CTNNA3: variants seen among roughly 807,000 people sequenced by gnomAD.
CTNNA3 encodes catenin alpha 3.
A neutral mutation model predicts 95.7 loss-of-function variants in CTNNA3; 76 were observed. The ratio of observed to expected loss-of-function variants is 0.79; its 90% CI spans 0.66 to 0.96. The LOEUF is 0.96. CTNNA3 is among the 40% of genes least tolerant of loss of function. The pLI is 0.00. For synonymous variants in CTNNA3, 431 were observed against 374.4 expected (o/e 1.15, Z -1.74); for missense variants, 1,191 against 1,089.8 (o/e 1.09, Z -1.31).
chr10:67,619,032 T>G (rs1843745414), intron 2 of CTNNA3, among the ~76,000 whole-genome samples: 1 of 152,168 alleles, frequency 6.6e-6, no homozygotes, highest in Admixed American at 6.5e-5. Context: ...AATATGGATA[T>G]TTTGTCAATA....
chr10:67,480,296 A>G (rs1848169681), intron 5 of CTNNA3, among the ~76,000 whole-genome samples: 1 of 152,218 alleles, frequency 6.6e-6, no homozygotes, highest in African/African-American at 2.4e-5. Flanking sequence ...AAAAGATAAG[A>G]AAACTACAGG....
intron 10 of CTNNA3, among the ~76,000 whole-genome samples, chr10:66,606,991 G>C (rs2132273569): frequency 6.6e-6 from 1 of 152,142 alleles, no homozygotes; most frequent in Non-Finnish European, 1.5e-5. Context: ...GAATCCAGGA[G>C]TTGGTTTTTT....
At chr10:67,639,974 C>G (rs570859239) in intron 2 of CTNNA3, among the ~76,000 whole-genome samples, 58 of 152,260 alleles carry the variant, frequency 3.8e-4, no homozygotes, top group Admixed American at 1.1e-3. Context: ...TCTCACCACT[C>G]CTATTCAACA....
At chr10:67,562,894 T>A (rs1314779379) in intron 3 of CTNNA3, among the ~76,000 whole-genome samples, 1 of 152,056 alleles carries the variant, frequency 6.6e-6, no homozygotes, top group Admixed American at 6.6e-5. Flanking sequence ...TCACAACTGC[T>A]TCAAAGAGAA....
At chr10:66,909,834 C>T (rs192141183) in intron 7 of CTNNA3, among the ~76,000 whole-genome samples, 15 of 152,124 alleles carry the variant, frequency 9.9e-5, no homozygotes, top group Non-Finnish European at 1.3e-4. Context: ...AATGATATAG[C>T]CATTAGGAGT....
At chr10:66,312,909 G>A (rs1564858568) in intron 12 of CTNNA3, among the ~76,000 whole-genome samples, 1 of 152,128 alleles carries the variant, frequency 6.6e-6, no homozygotes, top group Non-Finnish European at 1.5e-5. Context: ...AAGAACTAAT[G>A]TTACAGGTGG....
At chr10:66,702,127 C>T (rs972536050) in intron 9 of CTNNA3, among the ~76,000 whole-genome samples, 2 of 151,676 alleles carry the variant, frequency 1.3e-5, no homozygotes, top group Non-Finnish European at 2.9e-5. Flanking sequence ...TATGGCATGC[C>T]ATTTACACAG....
intron 12 of CTNNA3, among the ~76,000 whole-genome samples, chr10:66,299,961 C>T (rs1276748707): frequency 6.6e-6 from 1 of 152,044 alleles, no homozygotes; most frequent in African/African-American, 2.4e-5. Flanking sequence ...GGCATGATCT[C>T]GGTTCACTGC....
chr10:66,650,853 C>T (rs570343001), intron 9 of CTNNA3, among the ~76,000 whole-genome samples: 8 of 152,222 alleles, frequency 5.3e-5, no homozygotes, highest in East Asian at 1.9e-4. Context: ...CTCATAAAGG[C>T]GGTGCAGACC....
chr10:66,547,500 G>A (rs542246631), intron 10 of CTNNA3, among the ~76,000 whole-genome samples: 1 of 150,868 alleles, frequency 6.6e-6, no homozygotes, highest in Non-Finnish European at 1.5e-5. Context: ...CCGCCACCAC[G>A]CCCAGTTAAT....
At chr10:66,741,714 A>C (rs533209733) in intron 9 of CTNNA3, among the ~76,000 whole-genome samples, 92 of 152,332 alleles carry the variant, frequency 6.0e-4, no homozygotes, top group Non-Finnish European at 1.1e-3. Flanking sequence ...TAAATTGTGA[A>C]GATTTCATGG....
intron 12 of CTNNA3, among the ~76,000 whole-genome samples, chr10:66,281,015 G>C (rs1472522976): frequency 6.6e-6 from 1 of 151,744 alleles, no homozygotes; most frequent in Admixed American, 6.6e-5. Flanking sequence ...AAAACAGTTG[G>C]AATTGTAAAC....
intron 5 of CTNNA3, among the ~76,000 whole-genome samples, chr10:67,455,756 A>G (rs1202145699): frequency 1.3e-5 from 2 of 152,166 alleles, no homozygotes. Flanking sequence ...GAAACTGTCA[A>G]AGTCATGAAA....
intron 1 of CTNNA3, among the ~76,000 whole-genome samples, chr10:67,701,257 C>T (rs1210470187): frequency 3.3e-5 from 5 of 152,024 alleles, no homozygotes; most frequent in African/African-American, 9.7e-5. Context: ...AACATTCAGA[C>T]TCAGGAAATA....
intron 11 of CTNNA3, 53 bp downstream of exon 11, chr10:66,520,564 A>C (rs1841024670): frequency 6.6e-7 from 1 of 1,518,472 alleles, no homozygotes; most frequent in Non-Finnish European, 9.0e-7. Flanking sequence ...GTATTATTCT[A>C]TTTTATAAAA....
At chr10:66,867,106 T>G (rs1844210425) in intron 7 of CTNNA3, among the ~76,000 whole-genome samples, 1 of 150,562 alleles carries the variant, frequency 6.6e-6, no homozygotes, top group African/African-American at 2.5e-5. Flanking sequence ...CGTGGAACTG[T>G]GGGTCCATTA....
rs566070816 is a variant in CTNNA3, at chr10:66,113,375, T to G, written c.1885-10126A>C. On this transcript the variant is annotated intron_variant, in intron 13 of 17. Transcript: ENST00000433211. ...AAGCTCTACGAATAAGCACACCTAC[T>G]AAACATGCTCTGAGACAGAGCTGTG... Among the ~76,000 whole-genome samples the G allele has an allele frequency of 2.0e-3, 309 of 152,318 alleles. 1 individual carries two copies. The highest frequency in any genetic ancestry group is 6.9e-3 in the African/African-American group (286 of 41,570).
chr10:66,059,830 A>T (rs2080159714), intron 15 of CTNNA3, among the ~76,000 whole-genome samples: 1 of 152,116 alleles, frequency 6.6e-6, no homozygotes, highest in Non-Finnish European at 1.5e-5. Context: ...CAATTTCATG[A>T]GGATAGGGAT....
At chr10:67,213,239 A>C (rs1440098248) in intron 6 of CTNNA3, among the ~76,000 whole-genome samples, 2 of 151,374 alleles carry the variant, frequency 1.3e-5, no homozygotes, top group Non-Finnish European at 3.0e-5. Flanking sequence ...ATATTCTTTT[A>C]GTGTTTTAGT....
Sources: gnomAD v4.1 joint callset for allele counts (sites outside exome capture counted in the v4.1 genomes callset) on GRCh38, gnomAD v4.1.1 for gene constraint, MANE v1.5 for transcripts, NCBI Gene and HGNC (gene_info 2026-07-23, HGNC 2026-07-21) for gene names.